PCNX4: variants seen among roughly 807,000 people sequenced by gnomAD.
The protein encoded by PCNX4 is pecanex-like protein 4.
In PCNX4, 103 loss-of-function variants were observed where a neutral mutation model predicts 107.2. The ratio of observed to expected loss-of-function variants is 0.96; its 90% CI spans 0.82 to 1.13. The LOEUF (loss-of-function observed/expected upper bound fraction) is 1.13. Among genes scored for constraint, PCNX4 ranks in the 50% most tolerant of loss-of-function variants. The pLI is 0.00. For missense variants in PCNX4, 1,528 were observed against 1,379.4 expected, an observed-to-expected ratio of 1.11 and a Z score of -1.71; for synonymous variants, 541 against 481.7, an observed-to-expected ratio of 1.12 and a Z score of -1.61.
chr14:60,116,185 C>T, intron 6 of PCNX4, 125 bp downstream of exon 6: 1 of 955,894 alleles, frequency 1.0e-6, no homozygotes, highest in Middle Eastern at 3.4e-4. Context: ...TTTTCAACAT[C>T]CCAAAAAGAA....
Position 60,107,869 on chromosome 14 carries a change from T to C in PCNX4, c.231T>C (p.Gly77=). 6.2e-7 allele frequency: 1 copy of C among 1,612,878 alleles called. No individual in the cohort carries two copies. Among genetic ancestry groups the C allele is most frequent in the Non-Finnish European group, 8.5e-7 (1 of 1,179,878 alleles). The change falls in exon 2 of 11, where the codon GGT becomes GGC. Residue 77 remains glycine (G), a synonymous_variant. Transcript: ENST00000406854. ...LKDYYTAALS[G]GLMLFTAFVI... is the part of the protein sequence containing the mutation. The stretch of plus-strand genomic sequence containing the variant: ...ACTATTATACAGCAGCACTTTCAGG[T>C]GGATTAATGCTTTTTACTGCATTTG...
In PCNX4 at chr14:60,125,688, C is replaced by T; in HGVS notation, c.3132C>T (p.Asp1044=). The T allele has an allele frequency of 1.3e-6, 2 of 1,593,650 alleles. No individual in the cohort carries two copies. Among genetic ancestry groups the T allele is most frequent in the Non-Finnish European group, 1.7e-6 (2 of 1,170,120 alleles). The stretch of plus-strand genomic sequence containing the variant: ...AAGCAAGTTTAGGTCCAATAGAAGA[C>T]TTTAGAGAACTGATTAAGTACCTTG... The part of the protein sequence containing the change: ...IDKASLGPIE[D]FRELIKYLEE... The change falls in exon 10 of 11, where the codon GAC becomes GAT. Residue 1044 remains aspartate (D), a synonymous_variant. Coordinates refer to ENST00000406854, the MANE Select transcript of PCNX4 (RefSeq NM_001330177.2).
intron 2 of PCNX4, among the ~76,000 whole-genome samples, chr14:60,111,440 T>C (rs1293180977): frequency 6.6e-6 from 1 of 152,204 alleles, no homozygotes; most frequent in Non-Finnish European, 1.5e-5. Flanking sequence ...CTATAAAATA[T>C]ATTCCAGTTA....
chr14:60,116,041 C>T lies in PCNX4; in HGVS notation c.1559C>T (p.Thr520Ile), dbSNP rs1895842925. Residue 520 changes from threonine to isoleucine, a missense_variant, in exon 6 of 11, where the codon ACA becomes ATA. By Grantham distance (89) the Thr-to-Ile change is moderately conservative (BLOSUM62 -1). Transcript: ENST00000406854. ...TDIWWNRSLDTGLRLLLVGII... is the reference protein window; with the variant it reads ...TDIWWNRSLDIGLRLLLVGII... ...ATATGGTGGAACAGAAGCCTGGATA[C>T]AGGACTCAGACTCTTACTGGTAAGT... The T allele has an allele frequency of 1.2e-6, 2 of 1,610,870 alleles. No homozygotes were observed. The highest frequency in any genetic ancestry group is 1.3e-5 in the African/African-American group (1 of 74,830).
rs191838226 is a variant in PCNX4 at position 60,114,692 on chromosome 14, T to A, written c.690-8T>A. 4.2e-4 allele frequency: 668 copies of A among 1,598,212 alleles called. 1 individual carries two copies. Among genetic ancestry groups the A allele is most frequent in the African/African-American group, 1.1e-3 (83 of 73,918 alleles). On this transcript the variant is annotated splice_polypyrimidine_tract_variant and splice_region_variant and intron_variant, in intron 2 of 10. Transcript: ENST00000406854. ...CGTGTGATTTAAATGTTCTTTTTTT[T>A]TATATAGGTTTGTGGTAAATATGCC...
Position 60,115,984 on chromosome 14 carries a change from T to A in PCNX4, c.1502T>A (p.Val501Glu). 1.9e-6 allele frequency: 3 copies of A among 1,612,528 alleles called. No individual in the cohort carries two copies. The highest frequency in any genetic ancestry group is 2.5e-6 in the Non-Finnish European group (3 of 1,178,978). ...TENALLETVIVSTVHLISSTD... is the reference protein window; with the variant it reads ...TENALLETVIESTVHLISSTD... ...AATGCTTTATTGGAGACAGTCATTGTATCAACAGTACACTTGATCTCCAGT... is the reference window on the plus strand; with the variant it reads ...AATGCTTTATTGGAGACAGTCATTGAATCAACAGTACACTTGATCTCCAGT... Residue 501 changes from valine to glutamate, a missense_variant, in exon 6 of 11, where the codon GTA becomes GAA. By Grantham distance (121) the Val-to-Glu change is moderately radical (BLOSUM62 -2). Transcript: ENST00000406854.
Position 60,130,533 on chromosome 14 carries a change from C to T in PCNX4, c.3268-3437C>T, listed in dbSNP as rs558924072. 5.6e-4 allele frequency among the ~76,000 whole-genome samples: 85 copies of T among 152,032 alleles called. 3 individuals carry two copies. In the Middle Eastern group the frequency reaches 0.02, roughly 37 times the overall value. ...AGATCAAGAAGACAAGAATGTCTAC[C>T]CTTACCACTTCTATTAAACATTGTA... On this transcript the variant is annotated intron_variant, in intron 10 of 10. Transcript: ENST00000406854.
rs1896293727 is a variant in PCNX4, at chr14:60,140,437, A to G, written c.*6216A>G. ...GGAAAGACAATCTTAAATTCTTACAAAGAGCAGTAGAAATGCAGGAACCCT... is the reference window on the plus strand; with the variant it reads ...GGAAAGACAATCTTAAATTCTTACAGAGAGCAGTAGAAATGCAGGAACCCT... On this transcript the variant is annotated 3_prime_UTR_variant, in exon 11 of 11. Coordinates refer to ENST00000406854, the MANE Select transcript of PCNX4 (RefSeq NM_001330177.2). This position sits in a 1 kb window ranked among gnomAD's most constrained non-coding sequence, Gnocchi z 4.2. 6.6e-6 allele frequency: 1 copy of G among 152,180 alleles called. No individual in the cohort carries two copies. The allele number at this position is 152,180 out of a possible 1,614,324, so 9.4% of individuals were successfully genotyped here.
Position 60,134,827 on chromosome 14 carries a change from A to G in PCNX4, c.*606A>G, listed in dbSNP as rs1324840437. 1.3e-5 allele frequency: 2 copies of G among 152,370 alleles called. No individual in the cohort carries two copies. The highest frequency in any genetic ancestry group is 2.9e-5 in the Non-Finnish European group (2 of 68,186). The allele number at this position is 152,370 out of a possible 1,614,324, so 9.4% of individuals were successfully genotyped here. ...TCCTTTTCAAATATCCTTCTAATATATGTGAAAGGAGCGGGGTTCATCCCA... is the reference window on the plus strand; with the variant it reads ...TCCTTTTCAAATATCCTTCTAATATGTGTGAAAGGAGCGGGGTTCATCCCA... On this transcript the variant is annotated 3_prime_UTR_variant, in exon 11 of 11. Transcript: ENST00000406854.
At chr14:60,133,554 A>G (rs1001691895) in intron 10 of PCNX4, 6 of 411,096 alleles carry the variant, frequency 1.5e-5, no homozygotes, top group African/African-American at 1.3e-4. Flanking sequence ...AAGCCACTGA[A>G]TTGCATATAG....
At chr14:60,097,522 G>A (rs1449484723) in intron 1 of PCNX4, among the ~76,000 whole-genome samples, 2 of 152,186 alleles carry the variant, frequency 1.3e-5, no homozygotes, top group Non-Finnish European at 2.9e-5. Context: ...CTCATAGCAG[G>A]AATAACTGTT....
chr14:60,114,652 C>A, intron 2 of PCNX4, 48 bp from the exon 3 acceptor site: 6 of 1,404,798 alleles, frequency 4.3e-6, no homozygotes, highest in Admixed American at 4.5e-5. Flanking sequence ...TTAAAAGATC[C>A]TCTTCTATAT....
chr14:60,113,999 G>A (rs941544417), intron 2 of PCNX4, among the ~76,000 whole-genome samples: 1 of 152,184 alleles, frequency 6.6e-6, no homozygotes, highest in Non-Finnish European at 1.5e-5. Flanking sequence ...AAATTGTAGT[G>A]TGCAAGTTTG....
intron 1 of PCNX4, among the ~76,000 whole-genome samples, chr14:60,102,244 A>G (rs1895546073): frequency 6.6e-6 from 1 of 152,196 alleles, no homozygotes; most frequent in South Asian, 2.1e-4. Context: ...TGAAAAATCA[A>G]AATCCTAACA....
rs1895313989 is a variant in PCNX4, at chr14:60,092,270, G to A, written c.-203G>A. 6.6e-6 allele frequency: 1 copy of A among 152,286 alleles called. No homozygotes were observed. 9.4% of individuals were successfully genotyped at this position (152,286 alleles called of 1,614,324 possible). ...CGAGAGCTGGCCCGGGCGGGGCCGC[G>A]GTGAGCTCGTTATTCGGCCGCCGCA... is the stretch of plus-strand genomic sequence containing the variant. On this transcript the variant is annotated 5_prime_UTR_variant, in exon 1 of 11. Transcript: ENST00000406854.
At position 60,135,233 on chromosome 14, in the gene PCNX4, A is replaced by G. The variant is rs975603062; in HGVS notation, c.*1012A>G. 2.4e-4 allele frequency: 36 copies of G among 152,326 alleles called. No homozygotes were observed. The highest frequency in any genetic ancestry group is 7.7e-4 in the African/African-American group (32 of 41,560). The allele number at this position is 152,326 out of a possible 1,614,324, so 9.4% of individuals were successfully genotyped here. ...TTATAATAATGTATTCTCCTTAGAAATCATTCAAATTATATGAAATGTACC... is the reference window on the plus strand; with the variant it reads ...TTATAATAATGTATTCTCCTTAGAAGTCATTCAAATTATATGAAATGTACC... On this transcript the variant is annotated 3_prime_UTR_variant, in exon 11 of 11. Transcript: ENST00000406854.
At chr14:60,116,839 G>C (rs1225066517) in intron 6 of PCNX4, among the ~76,000 whole-genome samples, 2 of 152,248 alleles carry the variant, frequency 1.3e-5, no homozygotes, top group East Asian at 3.9e-4. Context: ...AAGATGTGAA[G>C]GTGGAAGACA....
At position 60,124,819 on chromosome 14, in the gene PCNX4, A is replaced by G. The variant is rs775670446; in HGVS notation, c.2648A>G (p.Tyr883Cys). 3.1e-5 allele frequency: 50 copies of G among 1,613,656 alleles called. No individual in the cohort carries two copies. Among genetic ancestry groups the G allele is most frequent in the Non-Finnish European group, 4.2e-5 (50 of 1,179,790 alleles). ...NDLYKAVLLG[Y>C]PAVDKGKQED... ...CTTTACAAAGCAGTTCTATTAGGAT[A>G]CCCTGCTGTTGACAAAGGAAAACAA... Residue 883 changes from tyrosine (Y) to cysteine (C), a missense_variant, in exon 9 of 11, where the codon TAC becomes TGC. Coordinates refer to ENST00000406854, the MANE Select transcript of PCNX4 (RefSeq NM_001330177.2).
At chr14:60,130,828 G>A (rs528146512) in intron 10 of PCNX4, among the ~76,000 whole-genome samples, 7 of 151,758 alleles carry the variant, frequency 4.6e-5, no homozygotes, top group Middle Eastern at 3.2e-3. Flanking sequence ...AAGGCTGGGC[G>A]CAGTGGTTCA....
Sources: gnomAD v4.1 joint callset for allele counts (sites outside exome capture counted in the v4.1 genomes callset) on GRCh38, gnomAD v4.1.1 for gene constraint, Gnocchi (gnomAD v3.1) non-coding constraint, MANE v1.5 for transcripts, NCBI Gene and HGNC (gene_info 2026-07-23, HGNC 2026-07-21) for gene names.